The following CNTLN variants were observed in gnomAD, a reference collection of about 807,000 sequenced individuals.
CNTLN encodes the protein centlein.
Under a neutral mutation model 180.0 loss-of-function variants are expected in CNTLN, and 212 were observed. The observed-to-expected ratio is 1.18, with a 90% confidence interval of 1.05 to 1.32. The LOEUF (loss-of-function observed/expected upper bound fraction) is 1.32, where lower values mean the gene tolerates loss of function less well. CNTLN is among the 40% of genes most tolerant of loss of function. CNTLN has a pLI of 0.00. For synonymous variants in CNTLN, 722 were observed against 563.1 expected (o/e 1.28, Z -3.99); for missense variants, 2,095 against 1,610.9 (o/e 1.30, Z -5.14).
At chr9:17,235,882 ATTTGGAGG>A in intron 4 of CNTLN, 90 bp downstream of exon 4, 1 of 1,420,002 alleles carries the variant, frequency 7.0e-7, no homozygotes, top group African/African-American at 1.5e-5. Context: ...AAAGTGACAG[ATTTGGAGG>A]AAAAATTGCC....
At chr9:17,411,298 C>T (rs1273309570) in intron 16 of CNTLN, among the ~76,000 whole-genome samples, 1 of 152,144 alleles carries the variant, frequency 6.6e-6, no homozygotes, top group Non-Finnish European at 1.5e-5. Context: ...AAAGGCCAGC[C>T]TAGCAAGACA....
At chr9:17,147,780 C>G (rs943766740) in intron 2 of CNTLN, among the ~76,000 whole-genome samples, 2 of 152,026 alleles carry the variant, frequency 1.3e-5, no homozygotes, top group Non-Finnish European at 2.9e-5. Flanking sequence ...TTGTATTTAA[C>G]CACTGTAATT....
At chr9:17,219,621 A>G (rs1169723236) in intron 2 of CNTLN, among the ~76,000 whole-genome samples, 1 of 151,706 alleles carries the variant, frequency 6.6e-6, no homozygotes, top group Non-Finnish European at 1.5e-5. Flanking sequence ...CCATTTTTTC[A>G]ATATTATGTC....
chr9:17,450,045 T>C (rs1310487037), intron 18 of CNTLN, among the ~76,000 whole-genome samples: 2 of 152,222 alleles, frequency 1.3e-5, no homozygotes, highest in Non-Finnish European at 2.9e-5. Flanking sequence ...TATAAGGGCA[T>C]TGAATTAATT....
At chr9:17,167,584 A>T (rs1243069521) in intron 2 of CNTLN, 1 of 152,232 alleles carries the variant, frequency 6.6e-6, no homozygotes, top group Non-Finnish European at 1.5e-5. Context: ...TGCAAGCAAG[A>T]CATTTTCTGC....
intron 21 of CNTLN, 149 bp downstream of exon 21, chr9:17,464,772 G>T: frequency 2.2e-6 from 1 of 450,026 alleles, no homozygotes; most frequent in East Asian, 4.0e-5. Flanking sequence ...TGCTCTGAAA[G>T]TACATTATTT....
chr9:17,193,865 C>T (rs1452431777), intron 2 of CNTLN, among the ~76,000 whole-genome samples: 2 of 152,214 alleles, frequency 1.3e-5, no homozygotes, highest in East Asian at 1.9e-4. Context: ...GCCTAGGCAT[C>T]CAGGTGTTTC....
chr9:17,327,289 G>A (rs543901236), intron 8 of CNTLN, among the ~76,000 whole-genome samples: 23 of 63,116 alleles, frequency 3.6e-4, no homozygotes, highest in African/African-American at 9.1e-4. Flanking sequence ...TTGGGTCGCT[G>A]CAAACTCCGC....
intron 25 of CNTLN, among the ~76,000 whole-genome samples, chr9:17,493,597 C>T (rs552578178): frequency 2.0e-5 from 3 of 152,032 alleles, no homozygotes; most frequent in African/African-American, 4.8e-5. Flanking sequence ...TTTTAACTTT[C>T]GAGGGATATT....
chr9:17,267,309 G>C (rs1452325329), intron 5 of CNTLN, among the ~76,000 whole-genome samples: 1 of 152,072 alleles, frequency 6.6e-6, no homozygotes, highest in African/African-American at 2.4e-5. Flanking sequence ...GGTTAGGTTG[G>C]CTGGATATGA....
intron 12 of CNTLN, among the ~76,000 whole-genome samples, chr9:17,353,840 TGAG>T (rs1162345493): frequency 1.3e-5 from 2 of 152,112 alleles, no homozygotes; most frequent in African/African-American, 2.4e-5. Flanking sequence ...TGGTGGCACT[TGAG>T]GAGCCCTTCA....
intron 2 of CNTLN, among the ~76,000 whole-genome samples, chr9:17,158,912 G>C (rs915427959): frequency 4.6e-5 from 7 of 151,516 alleles, no homozygotes; most frequent in African/African-American, 1.7e-4. Context: ...GCTTGCTTTA[G>C]GTTTAGTTTG....
chr9:17,345,809 G>T (rs1821836736), intron 12 of CNTLN, among the ~76,000 whole-genome samples: 1 of 152,054 alleles, frequency 6.6e-6, no homozygotes, highest in Non-Finnish European at 1.5e-5. Flanking sequence ...ACCCATAAGA[G>T]ATAAATAATT....
At chr9:17,474,553 G>A (rs1047392437) in intron 23 of CNTLN, among the ~76,000 whole-genome samples, 2 of 152,094 alleles carry the variant, frequency 1.3e-5, no homozygotes, top group African/African-American at 4.8e-5. Flanking sequence ...TTCTCCATCT[G>A]TTGGCAGAAT....
At chr9:17,401,566 T>C (rs1167286776) in intron 15 of CNTLN, among the ~76,000 whole-genome samples, 1 of 150,020 alleles carries the variant, frequency 6.7e-6, no homozygotes, top group Non-Finnish European at 1.5e-5. Flanking sequence ...AGAGATGAGA[T>C]CTTGCTACAT....
chr9:17,185,455 A>C (rs1821369512), intron 2 of CNTLN, among the ~76,000 whole-genome samples: 1 of 152,246 alleles, frequency 6.6e-6, no homozygotes, highest in Admixed American at 6.5e-5. Flanking sequence ...ACTATTTGTC[A>C]CAGCAAACGT....
chr9:17,271,651 C>T (rs1827953984), intron 5 of CNTLN, among the ~76,000 whole-genome samples: 1 of 152,150 alleles, frequency 6.6e-6, no homozygotes, highest in African/African-American at 2.4e-5. Context: ...ATCCACCATT[C>T]ACCTCTTTGC....
chr9:17,164,442 A>G (rs1819911295), intron 2 of CNTLN, among the ~76,000 whole-genome samples: 1 of 143,788 alleles, frequency 7.0e-6, no homozygotes, highest in South Asian at 2.2e-4. Flanking sequence ...AATCTATAGA[A>G]CTCCTTATTT....
At chr9:17,220,996 A>G (rs1219155499) in intron 2 of CNTLN, among the ~76,000 whole-genome samples, 27 of 152,124 alleles carry the variant, frequency 1.8e-4, no homozygotes, top group Non-Finnish European at 4.4e-5. Context: ...AAATAGATTC[A>G]TGGTATATCT....
Sources: gnomAD v4.1 joint callset for allele counts (sites outside exome capture counted in the v4.1 genomes callset) on GRCh38, gnomAD v4.1.1 for gene constraint, MANE v1.5 for transcripts, NCBI Gene and HGNC (gene_info 2026-07-23, HGNC 2026-07-21) for gene names.